SPMAP2L: variants seen among roughly 807,000 people sequenced by gnomAD.
SPMAP2L encodes the protein sperm microtubule associated protein 2-like.
the SPMAP2L span, chr4:56,595,537 G>A: frequency 6.8e-7 from 1 of 1,479,554 alleles, no homozygotes; most frequent in Non-Finnish European, 9.5e-7. Context: ...TTCCCACTGG[G>A]ACCGGCCTTA....
the SPMAP2L span, among the ~76,000 whole-genome samples, chr4:56,577,895 G>C: frequency 3.9e-5 from 6 of 152,252 alleles, no homozygotes; most frequent in Non-Finnish European, 7.4e-5. Flanking sequence ...TGAGGCAGGA[G>C]AATTGCTTGA....
chr4:56,572,666 T>A, the SPMAP2L span, among the ~76,000 whole-genome samples: 1 of 152,352 alleles, frequency 6.6e-6, no homozygotes, highest in East Asian at 1.9e-4. Context: ...ACAAGTTTTG[T>A]ATACTGAATA....
the SPMAP2L span, among the ~76,000 whole-genome samples, chr4:56,563,932 T>C: frequency 6.6e-6 from 1 of 152,168 alleles, no homozygotes; most frequent in Admixed American, 6.5e-5. Flanking sequence ...AGACTTGGTA[T>C]TTATTGGTAT....
chr4:56,594,580 A>G, the SPMAP2L span: 3 of 1,596,628 alleles, frequency 1.9e-6, no homozygotes, highest in Non-Finnish European at 2.6e-6. Flanking sequence ...AGGGGCACAG[A>G]ACGGTTTGCC....
chr4:56,601,721 C>A, the SPMAP2L span, among the ~76,000 whole-genome samples: 1 of 150,860 alleles, frequency 6.6e-6, no homozygotes, highest in Admixed American at 6.6e-5. Context: ...CTATGATCTG[C>A]ACTCCAGCCC....
chr4:56,563,430 A>G, the SPMAP2L span, among the ~76,000 whole-genome samples: 3 of 151,816 alleles, frequency 2.0e-5, no homozygotes, highest in African/African-American at 7.3e-5. Flanking sequence ...GATGCTCATT[A>G]TGAATTTGCT....
chr4:56,612,111 G>A, the SPMAP2L span, among the ~76,000 whole-genome samples: 2 of 152,186 alleles, frequency 1.3e-5, no homozygotes, highest in Non-Finnish European at 2.9e-5. Flanking sequence ...GAAGAGGAGC[G>A]TGGAGAAGCA....
chr4:56,589,226 T>G, the SPMAP2L span, among the ~76,000 whole-genome samples: 1 of 152,086 alleles, frequency 6.6e-6, no homozygotes, highest in East Asian at 1.9e-4. Context: ...TGACCTCAAG[T>G]GATCTGCCCG....
the SPMAP2L span, among the ~76,000 whole-genome samples, chr4:56,537,303 C>T: frequency 2.6e-5 from 4 of 152,306 alleles, no homozygotes; most frequent in Admixed American, 2.6e-4. Flanking sequence ...CACACTCACT[C>T]AAGAGTTTAG....
the SPMAP2L span, among the ~76,000 whole-genome samples, chr4:56,607,136 T>A: frequency 6.6e-6 from 1 of 152,156 alleles, no homozygotes; most frequent in Non-Finnish European, 1.5e-5. Flanking sequence ...ATGTTGAAAC[T>A]GAATCCTCAA....
At chr4:56,574,976 C>T in the SPMAP2L span, among the ~76,000 whole-genome samples, 11 of 152,020 alleles carry the variant, frequency 7.2e-5, no homozygotes, top group South Asian at 2.1e-4. Flanking sequence ...GTCTGCTGGG[C>T]GCGGTGGCTC....
chr4:56,564,656 AT>A, the SPMAP2L span, among the ~76,000 whole-genome samples: 2 of 151,192 alleles, frequency 1.3e-5, no homozygotes, highest in Non-Finnish European at 3.0e-5. Flanking sequence ...ACTGCTTTTT[AT>A]TTCATTGATT....
chr4:56,619,002 A>T, the SPMAP2L span, among the ~76,000 whole-genome samples: 1 of 152,198 alleles, frequency 6.6e-6, no homozygotes, highest in African/African-American at 2.4e-5. Flanking sequence ...AAAGGCAGAC[A>T]TATGGCTTAT....
the SPMAP2L span, among the ~76,000 whole-genome samples, chr4:56,578,344 T>A: frequency 2.6e-5 from 4 of 151,994 alleles, no homozygotes; most frequent in African/African-American, 4.8e-5. Context: ...AAATAATTTT[T>A]AAAATGTAAT....
At chr4:56,575,419 G>A in the SPMAP2L span, 3 of 1,446,444 alleles carry the variant, frequency 2.1e-6, no homozygotes, top group Admixed American at 6.4e-5. Flanking sequence ...TGCTCCCCTA[G>A]GCCTGGGGAT....
At chr4:56,539,258 A>G in the SPMAP2L span, among the ~76,000 whole-genome samples, 1 of 152,212 alleles carries the variant, frequency 6.6e-6, no homozygotes, top group Non-Finnish European at 1.5e-5. Flanking sequence ...TGAATAAGAC[A>G]TGGATTCCTT....
At chr4:56,586,778 G>A in the SPMAP2L span, among the ~76,000 whole-genome samples, 48 of 152,266 alleles carry the variant, frequency 3.2e-4, no homozygotes, top group Non-Finnish European at 6.0e-4. Flanking sequence ...CTTGGCCTTA[G>A]AAGTCACATA....
chr4:56,555,845 T>C, the SPMAP2L span, among the ~76,000 whole-genome samples: 1 of 152,196 alleles, frequency 6.6e-6, no homozygotes, highest in Admixed American at 6.6e-5. Flanking sequence ...GACTAAGTTT[T>C]AAGAGGCTTA....
chr4:56,575,489 C>A, the SPMAP2L span: 1 of 1,533,268 alleles, frequency 6.5e-7, no homozygotes, highest in South Asian at 1.2e-5. Flanking sequence ...CTTCTTTTCT[C>A]TTCTACAACT....
Sources: allele counts gnomAD v4.1 joint callset (sites outside exome capture counted in the v4.1 genomes callset), GRCh38; gene constraint gnomAD v4.1.1; transcripts MANE v1.5; gene names NCBI Gene and HGNC (gene_info 2026-07-23, HGNC 2026-07-21).